The following FANCL variants were observed in gnomAD, a reference collection of about 807,000 sequenced individuals.
FANCL encodes FA complementation group L.
A neutral mutation model predicts 59.4 loss-of-function variants in FANCL; 69 were observed. The observed-to-expected ratio is 1.16, with a 90% CI of 0.96 to 1.42. The LOEUF is 1.42. FANCL is among the 40% of genes most tolerant of loss of function. FANCL has a pLI of 0.00. For missense variants in FANCL, 519 were observed against 447.2 expected (o/e 1.16, Z -1.45); for synonymous variants, 180 against 147.1 (o/e 1.22, Z -1.62).
chr2:58,193,571 T>C (rs987273299), intron 7 of FANCL, among the ~76,000 whole-genome samples: 16 of 152,114 alleles, frequency 1.1e-4, no homozygotes. Context: ...CTTTGATGTC[T>C]TTTCAGCCAT....
At chr2:58,179,376 CCAAAACAGAGATATAGACCAATGGAA>C (rs1418403765) in intron 7 of FANCL, among the ~76,000 whole-genome samples, 2 of 152,104 alleles carry the variant, frequency 1.3e-5, no homozygotes, top group African/African-American at 4.8e-5. Flanking sequence ...GGTACTGGTA[CCAAAACAGAGATATAGACCAATGGAA>C]CAAAACAGAG....
At chr2:58,210,898 C>T (rs1423562322) in intron 5 of FANCL, among the ~76,000 whole-genome samples, 1 of 152,172 alleles carries the variant, frequency 6.6e-6, no homozygotes, top group Non-Finnish European at 1.5e-5. Flanking sequence ...GGGAGCTAGA[C>T]CCCTGTGATT....
chr2:58,238,456 A>G (rs558106588), intron 1 of FANCL, among the ~76,000 whole-genome samples: 1 of 152,352 alleles, frequency 6.6e-6, no homozygotes, highest in East Asian at 1.9e-4. Flanking sequence ...CATAGAGAGC[A>G]TCATTACAGA....
In FANCL at chr2:58,159,819, T is replaced by C. The variant is rs978313954; in HGVS notation, c.1093-19A>G. On this transcript the variant is annotated intron_variant, in intron 13 of 13. Coordinates refer to ENST00000233741, the MANE Select transcript of FANCL (RefSeq NM_018062.4). ...TAATTGGCTTTAAAAAGAGAACATA[T>C]TTTAACAAAGTTTGTGGACACTCTA... 5.6e-6 allele frequency: 9 copies of C among 1,611,880 alleles called. No homozygotes were observed. The highest frequency in any genetic ancestry group is 2.2e-5 in the East Asian group (1 of 44,802).
chr2:58,182,053 T>C (rs1485759253), intron 7 of FANCL, among the ~76,000 whole-genome samples: 1 of 151,860 alleles, frequency 6.6e-6, no homozygotes, highest in Non-Finnish European at 1.5e-5. Flanking sequence ...GAAATGTCTA[T>C]GATAAGCATT....
At chr2:58,217,156 T>TA (rs1558806108) in intron 5 of FANCL, among the ~76,000 whole-genome samples, 9 of 82,396 alleles carry the variant, frequency 1.1e-4, no homozygotes, top group African/African-American at 2.9e-4. Context: ...TATATATATA[T>TA]TTATATATTT....
chr2:58,188,002 C>A (rs1688575598), intron 7 of FANCL, among the ~76,000 whole-genome samples: 1 of 152,102 alleles, frequency 6.6e-6, no homozygotes, highest in South Asian at 2.1e-4. Flanking sequence ...ATCTGCCTAG[C>A]CTAGAGTTAC....
chr2:58,173,585 C>T (rs1390086073), intron 7 of FANCL, among the ~76,000 whole-genome samples: 1 of 152,106 alleles, frequency 6.6e-6, no homozygotes, highest in African/African-American at 2.4e-5. Context: ...CAAGCAAACG[C>T]TGAGAGATTT....
At chr2:58,194,402 T>C in intron 7 of FANCL, 1 of 423,540 alleles carries the variant, frequency 2.4e-6, no homozygotes, top group South Asian at 1.7e-5. Flanking sequence ...TCTAAAGCAT[T>C]AAGGATATAT....
chr2:58,187,428 A>T (rs1688515940), intron 7 of FANCL, among the ~76,000 whole-genome samples: 2 of 104,576 alleles, frequency 1.9e-5, no homozygotes, highest in Non-Finnish European at 3.8e-5. Context: ...GGTGGGGGGG[A>T]TGGGGAAGGG....
chr2:58,176,304 A>C (rs949091554), intron 7 of FANCL, among the ~76,000 whole-genome samples: 1 of 152,124 alleles, frequency 6.6e-6, no homozygotes. Flanking sequence ...GGAACCAAAA[A>C]AGAGCCCGCA....
In FANCL at chr2:58,163,064, G is replaced by C; in HGVS notation, c.786C>G (p.Pro262=). ...FFLGADHVVK[P]LGIKLSRNIH... is the part of the protein sequence containing the mutation. ...TGTTCCTGCTCAGCTTAATTCCCAG[G>C]GGTTTTACCACTTCAGATTAAAAAA... is the stretch of plus-strand genomic sequence containing the variant. Residue 262 remains proline (P), a synonymous_variant, in exon 10 of 14, where the codon CCC becomes CCG. Coordinates refer to ENST00000233741, the MANE Select transcript of FANCL (RefSeq NM_018062.4). The C allele has an allele frequency of 6.2e-7, 1 of 1,611,550 alleles. No homozygotes were observed. Among genetic ancestry groups the C allele is most frequent in the Non-Finnish European group, 8.5e-7 (1 of 1,178,862 alleles).
rs150130711 is a variant in FANCL at position 58,228,338 on chromosome 2, A to G, written c.216+1476T>C. On this transcript the variant is annotated intron_variant, in intron 3 of 13. Coordinates refer to ENST00000233741, the MANE Select transcript of FANCL (RefSeq NM_018062.4). ...ATTGTTTTCAACAATGCATGAACAC[A>G]TATGATTCACATCTTAACATAGCTT... 1.6e-3 allele frequency among the ~76,000 whole-genome samples: 247 copies of G among 152,358 alleles called. 1 individual carries two copies. Among genetic ancestry groups the G allele is most frequent in the African/African-American group, 5.5e-3 (229 of 41,590 alleles).
chr2:58,203,914 T>C (rs866235207), intron 6 of FANCL, among the ~76,000 whole-genome samples: 13 of 152,240 alleles, frequency 8.5e-5, no homozygotes, highest in African/African-American at 2.9e-4. Flanking sequence ...ATAAAGTCTG[T>C]ATTTTGAGCA....
At chr2:58,186,238 A>G (rs1392375725) in intron 7 of FANCL, among the ~76,000 whole-genome samples, 3 of 152,172 alleles carry the variant, frequency 2.0e-5, no homozygotes, top group Non-Finnish European at 2.9e-5. Context: ...ATCTTGAAAA[A>G]TAAGTCAAAT....
At chr2:58,183,007 A>T (rs1041977968) in intron 7 of FANCL, among the ~76,000 whole-genome samples, 6 of 151,846 alleles carry the variant, frequency 4.0e-5, no homozygotes, top group African/African-American at 1.4e-4. Context: ...TAATGAAGAT[A>T]AAATGTCAAC....
intron 5 of FANCL, among the ~76,000 whole-genome samples, chr2:58,207,849 G>A (rs923949719): frequency 4.6e-5 from 7 of 152,114 alleles, no homozygotes; most frequent in African/African-American, 1.7e-4. Context: ...TTGAGCCCAA[G>A]AGTTCAAGAC....
intron 5 of FANCL, among the ~76,000 whole-genome samples, chr2:58,220,517 G>A (rs1312459190): frequency 1.3e-5 from 2 of 152,166 alleles, no homozygotes; most frequent in Non-Finnish European, 2.9e-5. Flanking sequence ...TAATCACAGT[G>A]CATTTTTATC....
intron 7 of FANCL, among the ~76,000 whole-genome samples, chr2:58,168,808 C>A (rs1054214151): frequency 1.3e-5 from 2 of 152,184 alleles, no homozygotes; most frequent in South Asian, 4.2e-4. Flanking sequence ...TGGTTTACCC[C>A]TCACAGTGTA....
Sources: gnomAD v4.1 joint callset for allele counts (sites outside exome capture counted in the v4.1 genomes callset) on GRCh38, gnomAD v4.1.1 for gene constraint, MANE v1.5 for transcripts, NCBI Gene and HGNC (gene_info 2026-07-23, HGNC 2026-07-21) for gene names.